Variants in FER1L6 observed in about 807,000 individuals in gnomAD.
FER1L6 encodes fer-1-like protein 6.
Under a neutral mutation model 219.2 loss-of-function variants are expected in FER1L6, and 177 were observed. The ratio of observed to expected loss-of-function variants is 0.81; its 90% confidence interval spans 0.71 to 0.91. FER1L6 has a LOEUF of 0.91. Ranked by LOEUF, FER1L6 falls within the 40% of genes least tolerant of loss-of-function variation. The pLI is 0.00. For missense variants in FER1L6, 2,153 were observed against 2,259.9 expected, an observed-to-expected ratio of 0.95 and a Z score of 0.96; for synonymous variants, 768 against 824.3, an observed-to-expected ratio of 0.93 and a Z score of 1.17.
At chr8:123,894,237 A>G (rs1286462218) in intron 1 of FER1L6, among the ~76,000 whole-genome samples, 1 of 152,192 alleles carries the variant, frequency 6.6e-6, no homozygotes, top group Non-Finnish European at 1.5e-5. Context: ...CTCATTCATC[A>G]TGATTGCTTC....
chr8:124,000,729 G>A (rs1168140402), intron 12 of FER1L6, among the ~76,000 whole-genome samples: 1 of 152,154 alleles, frequency 6.6e-6, no homozygotes, highest in Non-Finnish European at 1.5e-5. Context: ...GCCATTCCCA[G>A]AAAGAGCATT....
rs1819913879 is a variant in FER1L6 at position 124,049,706 on chromosome 8, T to C, written c.2824T>C (p.Cys942Arg). ...CAGGTTATGCTATCACCCCATCTTT[T>C]GTGGGAATCTCTCTGGAGGGGATCT... ...PPRLCYHPIF[C>R]GNLSGGDLLA... The change falls in exon 22 of 41, where the codon TGT (cysteine) becomes CGT (arginine). Residue 942 changes from cysteine (C) to arginine (R), a missense_variant. Coordinates refer to ENST00000522917, the MANE Select transcript of FER1L6 (RefSeq NM_001039112.2). 1 of 1,614,118 alleles carries C rather than the reference T, an allele frequency of 6.2e-7. No individual in the cohort carries two copies. The highest frequency in any genetic ancestry group is 2.2e-5 in the East Asian group (1 of 44,890).
intron 20 of FER1L6, among the ~76,000 whole-genome samples, chr8:124,045,445 A>G (rs1031482094): frequency 1.3e-5 from 2 of 152,234 alleles, no homozygotes; most frequent in Non-Finnish European, 2.9e-5. Context: ...TAAATGCTCA[A>G]AAAAGTGGCT....
At chr8:124,006,011 C>T (rs370490502) in intron 13 of FER1L6, among the ~76,000 whole-genome samples, 13 of 152,182 alleles carry the variant, frequency 8.5e-5, no homozygotes, top group African/African-American at 3.1e-4. Context: ...CCCTGAAAGC[C>T]ATACTTGTTT....
chr8:124,071,610 G>T lies in FER1L6; in HGVS notation c.4071G>T (p.Leu1357=). Reference sequence around the variant, plus strand: ...CGCCCAATCACCCTGTCACAGTGCTGATCAGAGTATACATTGTCGCGGTGA... The same window carrying T: ...CGCCCAATCACCCTGTCACAGTGCTTATCAGAGTATACATTGTCGCGGTGA... ...GIPPNHPVTV[L]IRVYIVAAFN... is the part of the protein sequence containing the mutation. The change falls in exon 31 of 41, where the codon CTG becomes CTT. Residue 1357 remains leucine (L), a synonymous_variant. Transcript: ENST00000522917. The T allele has an allele frequency of 6.2e-7, 1 of 1,614,034 alleles. No homozygotes were observed. Among genetic ancestry groups the T allele is most frequent in the South Asian group, 1.1e-5 (1 of 91,050 alleles).
intron 7 of FER1L6, among the ~76,000 whole-genome samples, chr8:123,974,478 A>G (rs1448615209): frequency 6.6e-6 from 1 of 151,858 alleles, no homozygotes; most frequent in Admixed American, 6.6e-5. Flanking sequence ...TCTACTAAAA[A>G]TACAAAAATT....
At chr8:123,864,769 G>A (rs1464341088) in intron 1 of FER1L6, among the ~76,000 whole-genome samples, 35 of 149,356 alleles carry the variant, frequency 2.3e-4, no homozygotes, top group Admixed American at 2.0e-3. Context: ...CCAGTTGATC[G>A]CATCGGCTCC....
At chr8:123,935,307 C>T (rs1305073589) in intron 1 of FER1L6, among the ~76,000 whole-genome samples, 1 of 152,076 alleles carries the variant, frequency 6.6e-6, no homozygotes, top group African/African-American at 2.4e-5. Context: ...ACAGGGAGCC[C>T]CTTCTGTTTG....
intron 1 of FER1L6, among the ~76,000 whole-genome samples, chr8:123,863,757 T>A (rs895597024): frequency 6.7e-6 from 1 of 148,526 alleles, no homozygotes; most frequent in Non-Finnish European, 1.5e-5. Flanking sequence ...TCTCTTTTGA[T>A]CTTTGTTGGT....
chr8:124,090,818 G>A (rs1369611483), intron 33 of FER1L6, among the ~76,000 whole-genome samples: 2 of 152,176 alleles, frequency 1.3e-5, no homozygotes, highest in Non-Finnish European at 2.9e-5. Flanking sequence ...TCTGTGACAT[G>A]GATATATACT....
At chr8:124,060,474 T>TC in intron 23 of FER1L6, 74 bp from the exon 24 acceptor site, 1 of 1,582,978 alleles carries the variant, frequency 6.3e-7, no homozygotes, top group African/African-American at 1.4e-5. Flanking sequence ...GTCTAACTTT[T>TC]CCACACAGAG....
intron 1 of FER1L6, among the ~76,000 whole-genome samples, chr8:123,918,447 T>C (rs771574453): frequency 1.3e-5 from 2 of 152,244 alleles, no homozygotes; most frequent in Non-Finnish European, 2.9e-5. Flanking sequence ...ATTATCATCC[T>C]TGTGTATTCA....
At chr8:123,937,921 T>C (rs1358057094) in intron 1 of FER1L6, among the ~76,000 whole-genome samples, 1 of 152,184 alleles carries the variant, frequency 6.6e-6, no homozygotes, top group Non-Finnish European at 1.5e-5. Context: ...GAAACATCAG[T>C]CGTAATCTCT....
In FER1L6 at chr8:123,895,431, G is replaced by C. The variant is rs1224908292; in HGVS notation, c.-8+43246G>C. Among the ~76,000 whole-genome samples, 19 of 152,126 alleles carry C rather than the reference G, an allele frequency of 1.2e-4. No individual in the cohort carries two copies. The South Asian group carries it at 1.9e-3, about 15-fold the overall frequency. ...TCCCTTTCTATCTCTATTCCATATG[G>C]CTTACACATATTAATTCATTTAATC... On this transcript the variant is annotated intron_variant, in intron 1 of 40. Coordinates refer to ENST00000522917, the MANE Select transcript of FER1L6 (RefSeq NM_001039112.2).
chr8:124,041,090 G>A (rs916326295), intron 20 of FER1L6, among the ~76,000 whole-genome samples: 4 of 152,124 alleles, frequency 2.6e-5, no homozygotes, highest in Non-Finnish European at 4.4e-5. Flanking sequence ...CATTTATTCT[G>A]TTCTCTGATT....
In FER1L6 at chr8:124,064,377, C is replaced by T. The variant is rs1271848973; in HGVS notation, c.3359C>T (p.Ser1120Phe). 6.2e-7 allele frequency: 1 copy of T among 1,612,508 alleles called. No individual in the cohort carries two copies. The highest frequency in any genetic ancestry group is 2.2e-5 in the East Asian group (1 of 44,880). The change falls in exon 26 of 41, where the codon TCC (serine) becomes TTC (phenylalanine). Residue 1120 changes from serine (S) to phenylalanine (F), a missense_variant. Transcript: ENST00000522917. ...TCAGATTCGCTAACAGCCACTGAGT[C>T]CTCTGGAGCCCACAGCTCCTCCCAG... is the stretch of plus-strand genomic sequence containing the variant. Reference protein sequence around the residue: ...DISDSLTATESSGAHSSSQDP... With the variant: ...DISDSLTATEFSGAHSSSQDP...
chr8:124,088,700 C>A (rs1423614630), intron 33 of FER1L6, among the ~76,000 whole-genome samples: 1 of 150,796 alleles, frequency 6.6e-6, no homozygotes, highest in Non-Finnish European at 1.5e-5. Flanking sequence ...AACCCAAGGG[C>A]TCTTTAGTCA....
chr8:123,974,703 C>T (rs954829170), intron 7 of FER1L6, among the ~76,000 whole-genome samples: 21 of 118,264 alleles, frequency 1.8e-4, no homozygotes, highest in African/African-American at 5.4e-4. Context: ...GCCAGTATTG[C>T]CAGAATTTAC....
chr8:124,036,536 T>C (rs1468489641), intron 19 of FER1L6, among the ~76,000 whole-genome samples: 2 of 152,168 alleles, frequency 1.3e-5, no homozygotes, highest in Non-Finnish European at 2.9e-5. Flanking sequence ...GACACATAGC[T>C]AGTAAATGAT....
Sources: gnomAD v4.1 joint callset for allele counts (sites outside exome capture counted in the v4.1 genomes callset) on GRCh38, gnomAD v4.1.1 for gene constraint, MANE v1.5 for transcripts, NCBI Gene and HGNC (gene_info 2026-07-23, HGNC 2026-07-21) for gene names.